Variants in HIVEP3 observed in about 807,000 individuals in gnomAD.
HIVEP3 encodes HIVEP zinc finger 3, also known as transcription factor HIVEP3.
A neutral mutation model predicts 152.8 loss-of-function variants in HIVEP3; 49 were observed. The ratio of observed to expected loss-of-function variants is 0.32; its 90% CI spans 0.26 to 0.41. The LOEUF (loss-of-function observed/expected upper bound fraction) is 0.41. HIVEP3 is among the 10% of genes least tolerant of loss of function. HIVEP3 has a pLI of 1.00. For synonymous variants in HIVEP3, 1,269 were observed against 1,289.0 expected, an observed-to-expected ratio of 0.98 and a Z score of 0.33; for missense variants, 2,790 against 3,103.3, an observed-to-expected ratio of 0.90 and a Z score of 2.40.
At chr1:41,906,972 G>A (rs1377472874) in intron 1 of HIVEP3, among the ~76,000 whole-genome samples, 1 of 151,808 alleles carries the variant, frequency 6.6e-6, no homozygotes, top group Non-Finnish European at 1.5e-5. Context: ...CAAATTAGTG[G>A]AAATGATCAG....
chr1:41,833,474 A>G (rs1466988566), intron 1 of HIVEP3, among the ~76,000 whole-genome samples: 1 of 152,228 alleles, frequency 6.6e-6, no homozygotes. Flanking sequence ...CCTAGAGGCA[A>G]GGAAACAATG....
At chr1:41,799,550 C>A (rs2124310129) in intron 1 of HIVEP3, among the ~76,000 whole-genome samples, 1 of 152,312 alleles carries the variant, frequency 6.6e-6, no homozygotes, top group Middle Eastern at 3.4e-3. Context: ...CTTCCCCAGA[C>A]TATAAATGTG....
At chr1:41,896,628 G>A (rs957902393) in intron 1 of HIVEP3, among the ~76,000 whole-genome samples, 3 of 149,814 alleles carry the variant, frequency 2.0e-5, no homozygotes, top group Admixed American at 6.7e-5. Context: ...AGGCTAGAGT[G>A]CAATGGTGCG....
intron 1 of HIVEP3, among the ~76,000 whole-genome samples, chr1:41,787,502 C>T (rs890743969): frequency 6.6e-6 from 1 of 151,270 alleles, no homozygotes; most frequent in African/African-American, 2.4e-5. Flanking sequence ...CATTGACATG[C>T]AAAGTGATTT....
Position 41,575,554 on chromosome 1 carries a change from A to C in HIVEP3, c.5197T>G (p.Phe1733Val). ...QRGEPARIKIFEGGYKSNEEY... is the reference protein window; with the variant it reads ...QRGEPARIKIVEGGYKSNEEY... ...AAACATGAGTCTTACCCTCCTTCGA[A>C]GATTTTGATCCTCGCCGGCTCCCCT... Residue 1733 changes from phenylalanine (F) to valine (V), a missense_variant, in exon 5 of 9, where the codon TTC becomes GTC. Phe to Val is a conservative substitution (Grantham distance 50). Transcript: ENST00000372583. 6.2e-7 allele frequency: 1 copy of C among 1,614,102 alleles called. No individual in the cohort carries two copies. Among genetic ancestry groups the C allele is most frequent in the Non-Finnish European group, 8.5e-7 (1 of 1,179,988 alleles).
chr1:41,801,502 C>G (rs1650299715), intron 1 of HIVEP3, among the ~76,000 whole-genome samples: 1 of 152,186 alleles, frequency 6.6e-6, no homozygotes, highest in African/African-American at 2.4e-5. Context: ...AAGACTCTTA[C>G]AAGAAATTAC....
intron 1 of HIVEP3, among the ~76,000 whole-genome samples, chr1:41,899,058 T>A (rs1269035055): frequency 1.3e-5 from 2 of 152,196 alleles, no homozygotes; most frequent in African/African-American, 4.8e-5. Context: ...CCTTGTAGCA[T>A]CAATGAGGAA....
At chr1:41,772,958 C>T (rs1220336475) in intron 1 of HIVEP3, among the ~76,000 whole-genome samples, 2 of 152,086 alleles carry the variant, frequency 1.3e-5, no homozygotes, top group East Asian at 1.9e-4. Flanking sequence ...TTACTGTCTA[C>T]CAGGCACTGT....
chr1:41,886,037 T>C (rs929376038), intron 1 of HIVEP3, among the ~76,000 whole-genome samples: 3 of 152,190 alleles, frequency 2.0e-5, no homozygotes, highest in Non-Finnish European at 4.4e-5. Context: ...CCTAGCAATA[T>C]ATTCTTAGAA....
intron 1 of HIVEP3, among the ~76,000 whole-genome samples, chr1:42,030,645 AC>A (rs1181645671): frequency 6.6e-6 from 1 of 152,084 alleles, no homozygotes; most frequent in East Asian, 1.9e-4. Flanking sequence ...TTATAATCAC[AC>A]ATGTCGATTA....
intron 1 of HIVEP3, among the ~76,000 whole-genome samples, chr1:41,846,436 G>A (rs1373382537): frequency 1.3e-5 from 2 of 152,220 alleles, no homozygotes; most frequent in Non-Finnish European, 2.9e-5. Flanking sequence ...TTCAGAGGAA[G>A]TTGTCTAAGA....
chr1:41,562,643 C>CTCTCTCTCTCTT (rs1644095703), intron 5 of HIVEP3, among the ~76,000 whole-genome samples: 18 of 119,480 alleles, frequency 1.5e-4, no homozygotes, highest in African/African-American at 4.5e-4. Flanking sequence ...CCCTCTCTCT[C>CTCTCTCTCTCTT]TCTTTCTTTC....
intron 1 of HIVEP3, among the ~76,000 whole-genome samples, chr1:41,791,772 G>A (rs1301092740): frequency 3.9e-5 from 6 of 152,110 alleles, no homozygotes; most frequent in Admixed American, 1.3e-4. Context: ...AGACATACAA[G>A]TCATTTCCTG....
intron 1 of HIVEP3, among the ~76,000 whole-genome samples, chr1:41,838,847 C>G (rs1264594836): frequency 1.3e-5 from 2 of 152,168 alleles, no homozygotes; most frequent in Non-Finnish European, 2.9e-5. Flanking sequence ...ACCTACGAAT[C>G]TCAGTCAGTC....
At chr1:41,918,965 A>G (rs1485034112), upstream of HIVEP3, among the ~76,000 whole-genome samples, 3 of 152,160 alleles carry the variant, frequency 2.0e-5, no homozygotes, top group African/African-American at 7.2e-5. This position sits in a 1 kb window ranked among gnomAD's most constrained non-coding sequence, Gnocchi z 4.3. Flanking sequence ...ACAGTACACC[A>G]ATTATCACTT....
chr1:41,665,519 T>G (rs1012552920), intron 2 of HIVEP3, among the ~76,000 whole-genome samples: 1 of 151,690 alleles, frequency 6.6e-6, no homozygotes, highest in African/African-American at 2.4e-5. Flanking sequence ...GGATGGAGAC[T>G]GACAGGTAAA....
chr1:41,741,965 G>T (rs187784386), intron 1 of HIVEP3, among the ~76,000 whole-genome samples: 1 of 152,332 alleles, frequency 6.6e-6, no homozygotes, highest in East Asian at 1.9e-4. Flanking sequence ...TACATTGATT[G>T]TCCAATGAAA....
chr1:42,012,365 T>C (rs896580964), intron 1 of HIVEP3, among the ~76,000 whole-genome samples: 1 of 152,142 alleles, frequency 6.6e-6, no homozygotes, highest in Non-Finnish European at 1.5e-5. Flanking sequence ...GAGTGGCCTT[T>C]AAGAAGTAAG....
chr1:41,989,814 G>A (rs1645346533), intron 1 of HIVEP3, among the ~76,000 whole-genome samples: 1 of 149,764 alleles, frequency 6.7e-6, no homozygotes, highest in Non-Finnish European at 1.5e-5. Context: ...GCCTATGTGT[G>A]TCTCTGCACG....
Sources: allele counts gnomAD v4.1 joint callset (sites outside exome capture counted in the v4.1 genomes callset), GRCh38; gene constraint gnomAD v4.1.1; non-coding constraint Gnocchi (gnomAD v3.1); transcripts MANE v1.5; gene names NCBI Gene and HGNC (gene_info 2026-07-23, HGNC 2026-07-21).